Variants in EVA1C observed in about 807,000 individuals in gnomAD.
EVA1C encodes protein eva-1 homolog C.
EVA1C carries 25 observed loss-of-function variants against 45.4 expected under a neutral mutation model. The observed-to-expected ratio is 0.55, with a 90% CI of 0.40 to 0.77. EVA1C has a LOEUF of 0.77. Ranked by LOEUF, EVA1C falls within the 30% of genes least tolerant of loss-of-function variation. The probability of loss-of-function intolerance (pLI) is 0.00; values close to 1 mark genes in which losing one functional copy is unlikely to be tolerated. For synonymous variants in EVA1C, 190 were observed against 221.2 expected (o/e 0.86, Z 1.25); for missense variants, 479 against 554.8 (o/e 0.86, Z 1.37).
chr21:32,458,667 G>C (rs2035882615), intron 3 of EVA1C, among the ~76,000 whole-genome samples: 2 of 151,578 alleles, frequency 1.3e-5, no homozygotes, highest in South Asian at 4.2e-4. Context: ...TTTTAATAGA[G>C]AGAGGGTTTT....
chr21:32,432,426 T>A (rs80289015), intron 1 of EVA1C, among the ~76,000 whole-genome samples: 11 of 149,352 alleles, frequency 7.4e-5, no homozygotes, highest in East Asian at 2.0e-4. Flanking sequence ...AAAGGAAGGC[T>A]CTGGAACCTG....
chr21:32,500,866 C>G (rs2037505966), intron 5 of EVA1C, among the ~76,000 whole-genome samples: 1 of 151,938 alleles, frequency 6.6e-6, no homozygotes, highest in Non-Finnish European at 1.5e-5. Context: ...GGCTGGAATG[C>G]AGTGGTGCGC....
At chr21:32,424,540 G>A (rs960726516) in intron 1 of EVA1C, among the ~76,000 whole-genome samples, 17 of 152,176 alleles carry the variant, frequency 1.1e-4, no homozygotes, top group Non-Finnish European at 4.4e-5. Flanking sequence ...TTAAGGGATT[G>A]TCATTTTAAA....
intron 4 of EVA1C, among the ~76,000 whole-genome samples, chr21:32,479,948 T>G (rs903603118): frequency 2.0e-5 from 3 of 152,044 alleles, no homozygotes; most frequent in Non-Finnish European, 2.9e-5. Flanking sequence ...TCATAGAATT[T>G]TTGCAGCTGC....
chr21:32,448,969 A>AG (rs1601291777), intron 1 of EVA1C, among the ~76,000 whole-genome samples: 1 of 138,888 alleles, frequency 7.2e-6, no homozygotes, highest in African/African-American at 3.2e-5. Context: ...GAGAAAGAAA[A>AG]AGAAAGAAAG....
At chr21:32,457,823 A>T in intron 3 of EVA1C, 103 bp downstream of exon 3, 2 of 1,355,950 alleles carry the variant, frequency 1.5e-6, no homozygotes, top group Non-Finnish European at 2.1e-6. Flanking sequence ...CCAACTTTGA[A>T]ACTCATTAAC....
intron 4 of EVA1C, among the ~76,000 whole-genome samples, chr21:32,475,111 T>G (rs2036508738): frequency 6.6e-6 from 1 of 152,228 alleles, no homozygotes; most frequent in Non-Finnish European, 1.5e-5. Context: ...TGGTGAGTCC[T>G]GGAACATCTG....
intron 7 of EVA1C, among the ~76,000 whole-genome samples, chr21:32,513,551 CTTTT>C (rs1165725714): frequency 9.4e-6 from 1 of 106,778 alleles, no homozygotes; most frequent in Non-Finnish European, 1.8e-5. Flanking sequence ...TTTTTCTTTT[CTTTT>C]TTTTTTTTTT....
Position 32,497,297 on chromosome 21 carries a change from T to C in EVA1C, c.778+2127T>C, listed in dbSNP as rs1187187627. The C allele has an allele frequency of 1.6e-5, 11 of 678,254 alleles. No homozygotes were observed. The East Asian group carries it at 1.6e-4, about 10-fold the overall frequency. The allele number at this position is 678,254 out of a possible 1,614,324, so 42.0% of individuals were successfully genotyped here. On this transcript the variant is annotated intron_variant, in intron 5 of 7. Transcript: ENST00000300255. ...AGATCAAAGAAAACAAATCTCCAGA[T>C]TGGCAGAAAGTTGATATAGGTGGAC...
At chr21:32,501,216 T>C (rs1291593151) in intron 5 of EVA1C, among the ~76,000 whole-genome samples, 199 bp from the exon 6 acceptor site, 1 of 141,402 alleles carries the variant, frequency 7.1e-6, no homozygotes, top group Non-Finnish European at 1.5e-5. Context: ...TAAAACCACC[T>C]CTCTGGAGCA....
intron 5 of EVA1C, among the ~76,000 whole-genome samples, chr21:32,498,824 T>A (rs963708041): frequency 2.0e-5 from 3 of 152,150 alleles, no homozygotes; most frequent in Non-Finnish European, 4.4e-5. Flanking sequence ...GAGTGGTCCC[T>A]AGTGTTTTCA....
chr21:32,510,234 T>C (rs1478084196), intron 7 of EVA1C, among the ~76,000 whole-genome samples: 1 of 151,938 alleles, frequency 6.6e-6, no homozygotes, highest in East Asian at 1.9e-4. Flanking sequence ...TTTGTATTTT[T>C]AGTAGAGATG....
intron 3 of EVA1C, among the ~76,000 whole-genome samples, chr21:32,461,922 G>A (rs2036012064): frequency 6.6e-6 from 1 of 152,136 alleles, no homozygotes; most frequent in South Asian, 2.1e-4. Flanking sequence ...GGGCAGTGTA[G>A]GGACACTTTC....
chr21:32,501,661 A>C lies in EVA1C; in HGVS notation c.859+166A>C, dbSNP rs890690676. The C allele has an allele frequency of 6.8e-6, 5 of 738,726 alleles. No homozygotes were observed. In the African/African-American group the frequency reaches 9.2e-5, roughly 14 times the overall value. 45.8% of individuals were successfully genotyped at this position (738,726 alleles called of 1,614,324 possible). Reference sequence around the variant, plus strand: ...GCGCTTATTATCGGCCAATAGTTGCAAATGGTGAACACCATTTTATTTTGT... The same window carrying C: ...GCGCTTATTATCGGCCAATAGTTGCCAATGGTGAACACCATTTTATTTTGT... On this transcript the variant is annotated intron_variant, in intron 6 of 7. Coordinates refer to ENST00000300255, the MANE Select transcript of EVA1C (RefSeq NM_058187.5).
chr21:32,501,433 C>T lies in EVA1C; in HGVS notation c.797C>T (p.Thr266Ile), dbSNP rs571660362. ...CTTTTAGTTCCCAAGAACATACTCA[C>T]AGCGATTGATCCAGCCATTGCTAAT... The part of the protein sequence containing the change: ...TYACVPKNIL[T>I]AIDPAIANLK... The change falls in exon 6 of 8, where the codon ACA becomes ATA. Residue 266 changes from threonine (T) to isoleucine (I), a missense_variant. Coordinates refer to ENST00000300255, the MANE Select transcript of EVA1C (RefSeq NM_058187.5). 6.3e-7 allele frequency: 1 copy of T among 1,592,760 alleles called. No homozygotes were observed. Among genetic ancestry groups the T allele is most frequent in the South Asian group, 1.1e-5 (1 of 89,224 alleles).
intron 3 of EVA1C, among the ~76,000 whole-genome samples, chr21:32,465,109 A>C (rs2036127917): frequency 6.6e-6 from 1 of 152,232 alleles, no homozygotes; most frequent in East Asian, 1.9e-4. Flanking sequence ...TACTTTCTTC[A>C]TGTGATGCCC....
intron 4 of EVA1C, among the ~76,000 whole-genome samples, chr21:32,475,119 C>T (rs2036509035): frequency 6.6e-6 from 1 of 152,192 alleles, no homozygotes; most frequent in Non-Finnish European, 1.5e-5. Flanking sequence ...CCTGGAACAT[C>T]TGGTTTGAGA....
At position 32,475,463 on chromosome 21, in the gene EVA1C, C is replaced by CTT. The variant is rs775162227; in HGVS notation, c.634+7633_634+7634dup. ...TTACTCATCAGCTAAAAAGTTCTTACTTTTTTTTTTTTTTTTTTTGGATTT... is the reference window on the plus strand; with the variant it reads ...TTACTCATCAGCTAAAAAGTTCTTACTTTTTTTTTTTTTTTTTTTTTGGATTT... On this transcript the variant is annotated intron_variant, in intron 4 of 7. Coordinates refer to ENST00000300255, the MANE Select transcript of EVA1C (RefSeq NM_058187.5). Among the ~76,000 whole-genome samples the CTT allele has an allele frequency of 2.9e-3, 371 of 127,200 alleles. 5 individuals carry two copies. Among genetic ancestry groups the CTT allele is most frequent in the African/African-American group, 0.01 (345 of 34,278 alleles). 83.4% of individuals were successfully genotyped at this position (127,200 alleles called of 152,430 possible). A position where few individuals can be genotyped will look rare whatever the true frequency, so the allele number is the denominator to read the frequency against.
intron 4 of EVA1C, among the ~76,000 whole-genome samples, chr21:32,486,382 C>T (rs1315600775): frequency 6.6e-6 from 1 of 152,130 alleles, no homozygotes; most frequent in Non-Finnish European, 1.5e-5. Context: ...GCCTCAGCCC[C>T]GCAAAGTGCT....
Sources: gnomAD v4.1 joint callset for allele counts (sites outside exome capture counted in the v4.1 genomes callset) on GRCh38, gnomAD v4.1.1 for gene constraint, MANE v1.5 for transcripts, NCBI Gene and HGNC (gene_info 2026-07-23, HGNC 2026-07-21) for gene names.